TMEM121B: variants seen among roughly 807,000 people sequenced by gnomAD.
TMEM121B encodes transmembrane protein 121B.
A neutral mutation model predicts 25.1 loss-of-function variants in TMEM121B; 14 were observed. That is an observed-to-expected ratio of 0.56 (90% CI 0.37 to 0.87). The LOEUF is 0.87. Among genes scored for constraint, TMEM121B ranks in the 40% least tolerant of loss-of-function variants. The probability of loss-of-function intolerance (pLI) is 0.00; values close to 1 mark genes in which losing one functional copy is unlikely to be tolerated. For synonymous variants in TMEM121B, 458 were observed against 420.9 expected, an observed-to-expected ratio of 1.09 and a Z score of -1.08; for missense variants, 850 against 854.6, an observed-to-expected ratio of 0.99 and a Z score of 0.07.
In TMEM121B at chr22:17,119,440, C is replaced by A. The variant is rs770202255; in HGVS notation, c.1688G>T (p.Gly563Val). 1.2e-6 allele frequency: 2 copies of A among 1,608,686 alleles called. No individual in the cohort carries two copies. The highest frequency in any genetic ancestry group is 2.2e-5 in the East Asian group (1 of 44,528). ...GGTGTTGACATAGCCATGAGCACCC[C>A]CCTCGTTCTCCGAGATGCAGTGGCC... Reference protein sequence around the residue: ...QLGHCISENEGGAHGYVNTLA... With the variant: ...QLGHCISENEVGAHGYVNTLA... Residue 563 changes from glycine (G) to valine (V), a missense_variant, in exon 1 of 1, where the codon GGG becomes GTG. By Grantham distance (109) the Gly-to-Val change is moderately radical. Transcript: ENST00000331437.
In TMEM121B at chr22:17,119,719, C is replaced by A; in HGVS notation, c.1409G>T (p.Arg470Leu). ...SGPGSCSRLL[R>L]LLGGCLVDVP... The stretch of plus-strand genomic sequence containing the variant: ...GTCCACCAGGCAGCCGCCCAGCAGG[C>A]GCAGAAGGCGGCTGCAGCTGCCAGG... Residue 470 changes from arginine to leucine, a missense_variant, in exon 1 of 1, where the codon CGC becomes CTC. Physicochemically the swap from Arg to Leu is moderately radical, Grantham distance 102 (BLOSUM62 -2). Transcript: ENST00000331437. 15 of 1,542,454 alleles carry A rather than the reference C, an allele frequency of 9.7e-6. No homozygotes were observed. The highest frequency in any genetic ancestry group is 1.2e-5 in the Non-Finnish European group (14 of 1,150,872).
rs1294277861 is a variant in TMEM121B, at chr22:17,120,166, T to C, written c.962A>G (p.Tyr321Cys). The C allele has an allele frequency of 6.3e-6, 10 of 1,599,720 alleles. No homozygotes were observed. The highest frequency in any genetic ancestry group is 8.5e-6 in the Non-Finnish European group (10 of 1,175,326). Residue 321 changes from tyrosine to cysteine, a missense_variant, in exon 1 of 1, where the codon TAC becomes TGC. Transcript: ENST00000331437. ...CACCTTGGGAGTGAAGGCGATGGAG[T>C]AGATAAGCCAGGCCAGGTAGGCGAA... is the stretch of plus-strand genomic sequence containing the variant. ...FAFAYLAWLI[Y>C]SIAFTPKVVL...
In TMEM121B at chr22:17,117,962, A is replaced by C. The variant is rs2061477508; in HGVS notation, c.*1429T>G. ...AACTTCCCAAACGTAAGAAGGGAGAAGGGGAAACAAAAATTCTTCAAGTTT... is the reference window on the plus strand; with the variant it reads ...AACTTCCCAAACGTAAGAAGGGAGACGGGGAAACAAAAATTCTTCAAGTTT... On this transcript the variant is annotated 3_prime_UTR_variant, in exon 1 of 1. Coordinates refer to ENST00000331437, the MANE Select transcript of TMEM121B (RefSeq NM_031890.4). 1 of 152,232 alleles carries C rather than the reference A, an allele frequency of 6.6e-6. No individual in the cohort carries two copies. Among genetic ancestry groups the C allele is most frequent in the Non-Finnish European group, 1.5e-5 (1 of 68,044 alleles). The allele number at this position is 152,232 out of a possible 1,614,324, so 9.4% of individuals were successfully genotyped here. A position where few individuals can be genotyped will look rare whatever the true frequency, so the allele number is the denominator to read the frequency against.
rs2061488865 is a variant in TMEM121B at position 17,119,891 on chromosome 22, T to C, written c.1237A>G (p.Met413Val). 1.9e-6 allele frequency: 3 copies of C among 1,568,420 alleles called. No homozygotes were observed. The highest frequency in any genetic ancestry group is 2.6e-6 in the Non-Finnish European group (3 of 1,163,898). Residue 413 changes from methionine (M) to valine (V), a missense_variant, in exon 1 of 1, where the codon ATG becomes GTG. Transcript: ENST00000331437. ...GGCAGCGGCACGCGGCCCTCCAGCA[T>C]CAGCTCCACCAGCGTGAAGCTGTCG... ...LLDSFTLVEL[M>V]LEGRVPLPAH...
chr22:17,118,266 C>T lies in TMEM121B; in HGVS notation c.*1125G>A, dbSNP rs1259149594. On this transcript the variant is annotated 3_prime_UTR_variant, in exon 1 of 1. Coordinates refer to ENST00000331437, the MANE Select transcript of TMEM121B (RefSeq NM_031890.4). ...GGTCACCACCTCACTTTCTGATCTA[C>T]ACTTCCTAGAGGAAGGACAGGTGGG... 1 of 152,214 alleles carries T rather than the reference C, an allele frequency of 6.6e-6. No homozygotes were observed. Among genetic ancestry groups the T allele is most frequent in the African/African-American group, 2.4e-5 (1 of 41,442 alleles). The allele number at this position is 152,214 out of a possible 1,614,324, so 9.4% of individuals were successfully genotyped here. A position where few individuals can be genotyped will look rare whatever the true frequency, so the allele number is the denominator to read the frequency against.
rs1441654984 is a variant in TMEM121B at position 17,119,352 on chromosome 22, G to A, written c.*39C>T. 2.6e-6 allele frequency: 4 copies of A among 1,538,888 alleles called. No individual in the cohort carries two copies. The highest frequency in any genetic ancestry group is 3.5e-6 in the Non-Finnish European group (4 of 1,146,352). On this transcript the variant is annotated 3_prime_UTR_variant, in exon 1 of 1. Transcript: ENST00000331437. The stretch of plus-strand genomic sequence containing the variant: ...GAAGGTAGAAGACAAGGGGGTTGGG[G>A]ACTCTCAACCCAAAAACAAGGACCC...
chr22:17,119,326 A>C lies in TMEM121B; in HGVS notation c.*65T>G. ...TAGACCCTGATCAAATCTAGGTGAC[A>C]GAAGGTAGAAGACAAGGGGGTTGGG... On this transcript the variant is annotated 3_prime_UTR_variant, in exon 1 of 1. Coordinates refer to ENST00000331437, the MANE Select transcript of TMEM121B (RefSeq NM_031890.4). 6.6e-7 allele frequency: 1 copy of C among 1,522,062 alleles called. No individual in the cohort carries two copies. The highest frequency in any genetic ancestry group is 2.4e-5 in the East Asian group (1 of 40,890). The allele number at this position is 1,522,062 out of a possible 1,614,324, so 94.3% of individuals were successfully genotyped here. A position where few individuals can be genotyped will look rare whatever the true frequency, so the allele number is the denominator to read the frequency against.
At position 17,120,610 on chromosome 22, in the gene TMEM121B, CAGCA is replaced by C; in HGVS notation, c.514_517del (p.Cys172AlafsTer159). On this transcript the variant is annotated frameshift_variant, in exon 1 of 1. Coordinates refer to ENST00000331437, the MANE Select transcript of TMEM121B (RefSeq NM_031890.4). LOFTEE classifies it high-confidence loss of function. ...GGGGCGGTCTGGGCAGCCGCAGCAG[CAGCA>C]ACACGGGCAGCAGGAGGCGCCGCTG... The C allele has an allele frequency of 7.4e-7, 1 of 1,350,742 alleles. No homozygotes were observed. The allele number at this position is 1,350,742 out of a possible 1,614,324, so 83.7% of individuals were successfully genotyped here. A position where few individuals can be genotyped will look rare whatever the true frequency, so the allele number is the denominator to read the frequency against.
Position 17,119,184 on chromosome 22 carries a change from G to T in TMEM121B, c.*207C>A. The stretch of plus-strand genomic sequence containing the variant: ...GGTAGGATAGGAGAAGAGAGGAGAG[G>T]GTAAGTGCACCTACCTCCCTCACCG... On this transcript the variant is annotated 3_prime_UTR_variant, in exon 1 of 1. Coordinates refer to ENST00000331437, the MANE Select transcript of TMEM121B (RefSeq NM_031890.4). 1.6e-6 allele frequency: 1 copy of T among 637,556 alleles called. No homozygotes were observed. The allele number at this position is 637,556 out of a possible 1,614,324, so 39.5% of individuals were successfully genotyped here. A position where few individuals can be genotyped will look rare whatever the true frequency, so the allele number is the denominator to read the frequency against.
At position 17,118,176 on chromosome 22, in the gene TMEM121B, G is replaced by C. The variant is rs996423491; in HGVS notation, c.*1215C>G. The C allele has an allele frequency of 2.0e-5, 3 of 152,260 alleles. No individual in the cohort carries two copies. The highest frequency in any genetic ancestry group is 4.4e-5 in the Non-Finnish European group (3 of 68,076). The allele number at this position is 152,260 out of a possible 1,614,324, so 9.4% of individuals were successfully genotyped here. Reference sequence around the variant, plus strand: ...CTCTTGTCATCACCCTCAATGAGAGGAAGAGGGAAAGTTCTGCAGCCTGCC... The same window carrying C: ...CTCTTGTCATCACCCTCAATGAGAGCAAGAGGGAAAGTTCTGCAGCCTGCC... On this transcript the variant is annotated 3_prime_UTR_variant, in exon 1 of 1. Coordinates refer to ENST00000331437, the MANE Select transcript of TMEM121B (RefSeq NM_031890.4).
At position 17,116,403 on chromosome 22, in the gene TMEM121B, C is replaced by A. The variant is rs1446066266; in HGVS notation, c.*2988G>T. On this transcript the variant is annotated 3_prime_UTR_variant, in exon 1 of 1. Coordinates refer to ENST00000331437, the MANE Select transcript of TMEM121B (RefSeq NM_031890.4). ...GTGAGGTGCCACTTCCCTCCTTCTT[C>A]CAGGCTCTAACCGCCAGCTAGCTCT... The A allele has an allele frequency of 6.6e-6, 1 of 152,524 alleles. No homozygotes were observed. The highest frequency in any genetic ancestry group is 6.5e-5 in the Admixed American group (1 of 15,276). The allele number at this position is 152,524 out of a possible 1,614,324, so 9.4% of individuals were successfully genotyped here. A position where few individuals can be genotyped will look rare whatever the true frequency, so the allele number is the denominator to read the frequency against.
Position 17,121,086 on chromosome 22 carries a change from C to G in TMEM121B, c.42G>C (p.Ala14=), listed in dbSNP as rs1308940757. The G allele has an allele frequency of 4.9e-6, 7 of 1,441,100 alleles. No individual in the cohort carries two copies. The highest frequency in any genetic ancestry group is 6.4e-6 in the Non-Finnish European group (7 of 1,097,316). The allele number at this position is 1,441,100 out of a possible 1,614,324, so 89.3% of individuals were successfully genotyped here. ...ALGHPRSVSS[A]SGSFPPPPAA... ...CCGGGGGCGGCGGGAAGGAACCGGA[C>G]GCGGAGGAGACCGAGCGAGGGTGGC... The change falls in exon 1 of 1, where the codon GCG becomes GCC. Residue 14 remains alanine (A), a synonymous_variant. Transcript: ENST00000331437.
In TMEM121B at chr22:17,120,000, G is replaced by T. The variant is rs202143826; in HGVS notation, c.1128C>A (p.Pro376=). 6.2e-7 allele frequency: 1 copy of T among 1,601,624 alleles called. No individual in the cohort carries two copies. The stretch of plus-strand genomic sequence containing the variant: ...GCAGCAGGGGTCCTGCCGATCCCGG[G>T]GGCGCGCCCGCCTCGCTGATGGCCC... The part of the protein sequence containing the change: ...LVRAISEAGA[P]PGSAGPLLLQ... Residue 376 remains proline, a synonymous_variant, in exon 1 of 1, where the codon CCC becomes CCA. Coordinates refer to ENST00000331437, the MANE Select transcript of TMEM121B (RefSeq NM_031890.4).
rs994279888 is a variant in TMEM121B, at chr22:17,120,665, C to T, written c.463G>A (p.Gly155Arg). 2.5e-6 allele frequency: 3 copies of T among 1,183,790 alleles called. No homozygotes were observed. The highest frequency in any genetic ancestry group is 3.2e-5 in the African/African-American group (2 of 62,176). 73.3% of individuals were successfully genotyped at this position (1,183,790 alleles called of 1,614,324 possible). The stretch of plus-strand genomic sequence containing the variant: ...CCGGTCCCGGTGCCGCCCGCGCCCC[C>T]CGCCGAGCGGCTCCCGGGGCCCCCG... ...AVGGPGSRSA[G>R]GAGGTGTGSG... Residue 155 changes from glycine (G) to arginine (R), a missense_variant, in exon 1 of 1, where the codon GGG (glycine) becomes AGG (arginine). By Grantham distance (125) the Gly-to-Arg change is moderately radical (BLOSUM62 -2). Coordinates refer to ENST00000331437, the MANE Select transcript of TMEM121B (RefSeq NM_031890.4).
In TMEM121B at chr22:17,120,016, C is replaced by G. The variant is rs2061490010; in HGVS notation, c.1112G>C (p.Ser371Thr). The G allele has an allele frequency of 6.2e-7, 1 of 1,607,198 alleles. No homozygotes were observed. Residue 371 changes from serine to threonine, a missense_variant, in exon 1 of 1, where the codon AGC becomes ACC. By Grantham distance (58) the Ser-to-Thr change is moderately conservative. Transcript: ENST00000331437. ...CGATCCCGGGGGCGCGCCCGCCTCG[C>G]TGATGGCCCGCACCAAGCTGTAGAG... is the stretch of plus-strand genomic sequence containing the variant. The part of the protein sequence containing the change: ...PLLYSLVRAI[S>T]EAGAPPGSAG...
At position 17,117,220 on chromosome 22, in the gene TMEM121B, G is replaced by GAGAGA. The variant is rs1465117510; in HGVS notation, c.*2170_*2171insTCTCT. On this transcript the variant is annotated 3_prime_UTR_variant, in exon 1 of 1. Coordinates refer to ENST00000331437, the MANE Select transcript of TMEM121B (RefSeq NM_031890.4). ...CCAGAACCTTGAGTACAATCAAAGG[G>GAGAGA]AGAGGAGAGGAGTCAGTGGGGGCAG... 1 of 152,670 alleles carries GAGAGA rather than the reference G, an allele frequency of 6.6e-6. No individual in the cohort carries two copies. Among genetic ancestry groups the GAGAGA allele is most frequent in the African/African-American group, 2.4e-5 (1 of 41,352 alleles). 9.5% of individuals were successfully genotyped at this position (152,670 alleles called of 1,614,324 possible).
chr22:17,119,459 A>G lies in TMEM121B; in HGVS notation c.1669T>C (p.Cys557Arg). 6.2e-7 allele frequency: 1 copy of G among 1,606,016 alleles called. No homozygotes were observed. Among genetic ancestry groups the G allele is most frequent in the South Asian group, 1.1e-5 (1 of 89,704 alleles). The change falls in exon 1 of 1, where the codon TGC (cysteine) becomes CGC (arginine). Residue 557 changes from cysteine (C) to arginine (R), a missense_variant. By Grantham distance (180) the Cys-to-Arg change is radical. Coordinates refer to ENST00000331437, the MANE Select transcript of TMEM121B (RefSeq NM_031890.4). Reference protein sequence around the residue: ...PPQGGSQLGHCISENEGGAHG... With the variant: ...PPQGGSQLGHRISENEGGAHG... ...GCACCCCCCTCGTTCTCCGAGATGC[A>G]GTGGCCCAGCTGGGAGCCTCCCTGA...
rs553554059 is a variant in TMEM121B, at chr22:17,116,831, C to G, written c.*2560G>C. ...GACCCTCTGAGCACACAGTGGTTGA[C>G]CCACATGTGTAAAAGAGGGTGACTG... is the stretch of plus-strand genomic sequence containing the variant. On this transcript the variant is annotated 3_prime_UTR_variant, in exon 1 of 1. Transcript: ENST00000331437. 37 of 152,422 alleles carry G rather than the reference C, an allele frequency of 2.4e-4. No individual in the cohort carries two copies. The highest frequency in any genetic ancestry group is 2.2e-3 in the Admixed American group (33 of 15,300). The allele number at this position is 152,422 out of a possible 1,614,324, so 9.4% of individuals were successfully genotyped here.
At position 17,121,043 on chromosome 22, in the gene TMEM121B, G is replaced by C; in HGVS notation, c.85C>G (p.Pro29Ala). 8 of 1,463,240 alleles carry C rather than the reference G, an allele frequency of 5.5e-6. No individual in the cohort carries two copies. The highest frequency in any genetic ancestry group is 6.3e-6 in the Non-Finnish European group (7 of 1,109,204). The allele number at this position is 1,463,240 out of a possible 1,614,324, so 90.6% of individuals were successfully genotyped here. Residue 29 changes from proline (P) to alanine (A), a missense_variant, in exon 1 of 1, where the codon CCC becomes GCC. Transcript: ENST00000331437. ...AAGGAGCCCCCGCGGAGGAAGAGGGGCTGCAGCCGGGCGGCTGCCGGGGGC... is the reference window on the plus strand; with the variant it reads ...AAGGAGCCCCCGCGGAGGAAGAGGGCCTGCAGCCGGGCGGCTGCCGGGGGC... ...PPPPAAARLQ[P>A]LFLRGGSFRG...
Sources: gnomAD v4.1 joint callset for allele counts on GRCh38, gnomAD v4.1.1 for gene constraint, MANE v1.5 for transcripts, NCBI Gene and HGNC (gene_info 2026-07-23, HGNC 2026-07-21) for gene names.